The following NFATC3 variants were observed in gnomAD, a reference collection of about 807,000 sequenced individuals.
The protein encoded by NFATC3 is nuclear factor of activated T cells 3, also known as nuclear factor of activated T-cells, cytoplasmic 3.
Under a neutral mutation model 98.6 loss-of-function variants are expected in NFATC3, and 46 were observed. The ratio of observed to expected loss-of-function variants is 0.47; its 90% CI spans 0.37 to 0.60. NFATC3 has a LOEUF of 0.60. NFATC3 is among the 20% of genes least tolerant of loss of function. The pLI is 0.00. For synonymous variants in NFATC3, 512 were observed against 472.2 expected (o/e 1.08, Z -1.09); for missense variants, 1,256 against 1,295.5 (o/e 0.97, Z 0.47).
chr16:68,112,268 CTTTTTTTT>C (rs768228927), intron 1 of NFATC3, among the ~76,000 whole-genome samples: 18 of 77,424 alleles, frequency 2.3e-4, no homozygotes, highest in African/African-American at 7.0e-4. Flanking sequence ...TAGGTTCAGT[CTTTTTTTT>C]TTTTTTTTTT....
At chr16:68,201,618 A>G (rs2151136090) in intron 9 of NFATC3, among the ~76,000 whole-genome samples, 1 of 151,550 alleles carries the variant, frequency 6.6e-6, no homozygotes, top group Non-Finnish European at 1.5e-5. Context: ...CAGTGTGGTA[A>G]TTGATACTGT....
At chr16:68,134,920 A>G (rs1337652048) in intron 3 of NFATC3, among the ~76,000 whole-genome samples, 1 of 152,202 alleles carries the variant, frequency 6.6e-6, no homozygotes, top group South Asian at 2.1e-4. Context: ...TAATGTGGTA[A>G]CTTAATATTA....
chr16:68,117,354 A>C (rs894537450), intron 1 of NFATC3, among the ~76,000 whole-genome samples: 1 of 152,216 alleles, frequency 6.6e-6, no homozygotes, highest in East Asian at 1.9e-4. Flanking sequence ...GATCATATAT[A>C]TCAAATGGTG....
chr16:68,181,439 G>T, intron 6 of NFATC3, 36 bp from the exon 7 acceptor site: 1 of 1,504,032 alleles, frequency 6.6e-7, no homozygotes, highest in South Asian at 1.1e-5. Flanking sequence ...TTTCTGATAT[G>T]AATTGCTTTT....
intron 6 of NFATC3, among the ~76,000 whole-genome samples, 154 bp from the exon 7 acceptor site, chr16:68,181,321 A>G (rs908668184): frequency 9.2e-5 from 14 of 152,098 alleles, no homozygotes; most frequent in Non-Finnish European, 1.9e-4. Flanking sequence ...TATTTTCCCC[A>G]TTTGTACATA....
chr16:68,193,448 T>C (rs1234039638), intron 9 of NFATC3, among the ~76,000 whole-genome samples: 1 of 152,098 alleles, frequency 6.6e-6, no homozygotes, highest in Non-Finnish European at 1.5e-5. Context: ...GAGGATTACT[T>C]GAGACTAGGA....
chr16:68,128,107 G>A (rs2036934561), intron 3 of NFATC3, among the ~76,000 whole-genome samples: 1 of 152,040 alleles, frequency 6.6e-6, no homozygotes. Flanking sequence ...AGAAATGGCT[G>A]TAGATGATAA....
intron 1 of NFATC3, among the ~76,000 whole-genome samples, chr16:68,114,000 C>T (rs1185457875): frequency 1.3e-5 from 2 of 152,186 alleles, no homozygotes; most frequent in Non-Finnish European, 2.9e-5. Flanking sequence ...TAGTCTTAGG[C>T]AGTGTCCAGC....
chr16:68,102,783 A>G (rs905349341), intron 1 of NFATC3, among the ~76,000 whole-genome samples: 13 of 152,220 alleles, frequency 8.5e-5, no homozygotes, highest in Admixed American at 5.9e-4. Flanking sequence ...TCTTTTCTAC[A>G]GCAACTCAGC....
chr16:68,226,012 G>A (rs533297818), intron 9 of NFATC3: 15 of 174,232 alleles, frequency 8.6e-5, no homozygotes, highest in Non-Finnish European at 1.6e-4. Context: ...TTACATAGGA[G>A]GTGGCATTGT....
chr16:68,194,410 C>T (rs1474666766), intron 9 of NFATC3, among the ~76,000 whole-genome samples: 1 of 152,210 alleles, frequency 6.6e-6, no homozygotes, highest in Non-Finnish European at 1.5e-5. Flanking sequence ...AAGCATTTTG[C>T]TGCTGTTCTC....
At chr16:68,152,940 A>C (rs959127364) in intron 3 of NFATC3, among the ~76,000 whole-genome samples, 1 of 152,206 alleles carries the variant, frequency 6.6e-6, no homozygotes, top group Non-Finnish European at 1.5e-5. Context: ...AATCACAGTG[A>C]TGCAGTTAAA....
intron 1 of NFATC3, among the ~76,000 whole-genome samples, chr16:68,116,613 C>T (rs989738727): frequency 2.6e-5 from 4 of 152,200 alleles, no homozygotes; most frequent in Non-Finnish European, 5.9e-5. Context: ...GATAAAGCAG[C>T]ATTCCCACAA....
chr16:68,137,106 ATAAT>A (rs1314526698), intron 3 of NFATC3, among the ~76,000 whole-genome samples: 1 of 152,144 alleles, frequency 6.6e-6, no homozygotes, highest in East Asian at 1.9e-4. Flanking sequence ...TTTTTCTTTA[ATAAT>A]TAACTTTTTC....
chr16:68,221,241 C>T lies in NFATC3; in HGVS notation c.3107-5109C>T, dbSNP rs749709085. On this transcript the variant is annotated intron_variant, in intron 9 of 9. Coordinates refer to ENST00000346183, the MANE Select transcript of NFATC3 (RefSeq NM_173165.3). ...TTTGACTTGCTTCAGTTGAGACCTA[C>T]GTTTTGGCCAGTCCCAGCAGGAAGA... is the stretch of plus-strand genomic sequence containing the variant. 1.5e-5 allele frequency: 24 copies of T among 1,613,898 alleles called. No homozygotes were observed. In the East Asian group the frequency reaches 2.0e-4, roughly 13 times the overall value.
chr16:68,141,282 CTT>C (rs1321742642), intron 3 of NFATC3, among the ~76,000 whole-genome samples: 2 of 152,144 alleles, frequency 1.3e-5, no homozygotes, highest in Admixed American at 6.5e-5. Flanking sequence ...ATGCAGGTGT[CTT>C]TTTGACATAA....
At chr16:68,158,222 T>A in intron 4 of NFATC3, 154 bp downstream of exon 4, 1 of 578,212 alleles carries the variant, frequency 1.7e-6, no homozygotes, top group Non-Finnish European at 2.9e-6. Flanking sequence ...AGTGGTAGCA[T>A]ATTTCCAGAA....
chr16:68,088,397 A>G (rs2034508848), intron 1 of NFATC3, among the ~76,000 whole-genome samples: 1 of 146,562 alleles, frequency 6.8e-6, no homozygotes. Flanking sequence ...TATTTCATAT[A>G]TAATATATAA....
At chr16:68,207,984 T>C (rs2041219973) in intron 9 of NFATC3, among the ~76,000 whole-genome samples, 1 of 152,228 alleles carries the variant, frequency 6.6e-6, no homozygotes, top group South Asian at 2.1e-4. Context: ...CATCTTTTCA[T>C]GTGCCTGTTG....
Sources: allele counts gnomAD v4.1 joint callset (sites outside exome capture counted in the v4.1 genomes callset), GRCh38; gene constraint gnomAD v4.1.1; transcripts MANE v1.5; gene names NCBI Gene and HGNC (gene_info 2026-07-23, HGNC 2026-07-21).